The following KLB variants were observed in gnomAD, a reference collection of about 807,000 sequenced individuals.
The protein encoded by KLB is klotho beta.
A neutral mutation model predicts 88.4 loss-of-function variants in KLB; 44 were observed. The observed-to-expected ratio is 0.50, with a 90% CI of 0.39 to 0.64. The LOEUF (loss-of-function observed/expected upper bound fraction) is 0.64, where lower values mean the gene tolerates loss of function less well. KLB is among the 30% of genes least tolerant of loss of function. KLB has a pLI of 0.00. For missense variants in KLB, 1,137 were observed against 1,304.8 expected, an observed-to-expected ratio of 0.87 and a Z score of 1.98; for synonymous variants, 548 against 513.4, an observed-to-expected ratio of 1.07 and a Z score of -0.91.
chr4:39,445,937 A>G (rs926889386), intron 3 of KLB, among the ~76,000 whole-genome samples: 2 of 152,110 alleles, frequency 1.3e-5, no homozygotes, highest in African/African-American at 2.4e-5. Flanking sequence ...TCCTCTTCTC[A>G]GTGAAATCTC....
chr4:39,431,494 G>A (rs933273630), intron 1 of KLB, among the ~76,000 whole-genome samples: 68 of 151,604 alleles, frequency 4.5e-4, no homozygotes, highest in Non-Finnish European at 6.8e-4. Flanking sequence ...CAGGTGATCC[G>A]CCCGCCTCGG....
intron 2 of KLB, among the ~76,000 whole-genome samples, chr4:39,437,151 A>G (rs1743489141): frequency 6.6e-6 from 1 of 152,210 alleles, no homozygotes; most frequent in Non-Finnish European, 1.5e-5. Context: ...AATTTGCCCA[A>G]TAGCATGCTC....
rs758113274 is a variant in KLB at position 39,407,342 on chromosome 4, T to C, written c.393T>C (p.Tyr131=). The change falls in exon 1 of 5, where the codon TAT becomes TAC. Residue 131 remains tyrosine (Y), a synonymous_variant. Transcript: ENST00000257408. ...VSSTNGSSDS[Y]IFLEKDLSAL... is the part of the protein sequence containing the mutation. ...GCACGAATGGTTCCAGTGACAGTTA[T>C]ATTTTTCTGGAAAAAGACTTATCAG... 6 of 1,614,208 alleles carry C rather than the reference T, an allele frequency of 3.7e-6. No homozygotes were observed. The East Asian group carries it at 1.3e-4, about 36-fold the overall frequency.
Position 39,407,023 on chromosome 4 carries a change from G to T in KLB, c.74G>T (p.Arg25Leu). 6.2e-7 allele frequency: 1 copy of T among 1,614,090 alleles called. No individual in the cohort carries two copies. The highest frequency in any genetic ancestry group is 8.5e-7 in the Non-Finnish European group (1 of 1,179,978). ...TTCAGCACTGATGAAATAACCACAC[G>T]CTATAGGAATACAATGTCCAACGGG... ...IFFSTDEITT[R>L]YRNTMSNGGL... Residue 25 changes from arginine to leucine, a missense_variant, in exon 1 of 5, where the codon CGC becomes CTC. By Grantham distance (102) the Arg-to-Leu change is moderately radical. This residue lies in a region of KLB where 111 missense variants were observed against 118.3 expected (regional missense o/e 0.94). Coordinates refer to ENST00000257408, the MANE Select transcript of KLB (RefSeq NM_175737.4).
At chr4:39,438,314 G>A (rs1424256509) in intron 3 of KLB, among the ~76,000 whole-genome samples, 3 of 152,168 alleles carry the variant, frequency 2.0e-5, no homozygotes, top group African/African-American at 7.2e-5. Flanking sequence ...AAAATGATAG[G>A]AAATTTGTTT....
At chr4:39,409,373 A>G (rs1000748944) in intron 1 of KLB, among the ~76,000 whole-genome samples, 2 of 150,992 alleles carry the variant, frequency 1.3e-5, no homozygotes, top group Non-Finnish European at 2.9e-5. Flanking sequence ...GCTCACTGCA[A>G]TCTCCACCTC....
chr4:39,410,306 C>T (rs940556019), intron 1 of KLB, among the ~76,000 whole-genome samples: 1 of 152,190 alleles, frequency 6.6e-6, no homozygotes, highest in Non-Finnish European at 1.5e-5. Flanking sequence ...TTTTCATTTT[C>T]CTCTAATTTG....
chr4:39,446,761 C>T lies in KLB; in HGVS notation c.2035C>T (p.Gln679Ter). The T allele has an allele frequency of 6.2e-7, 1 of 1,607,178 alleles. No individual in the cohort carries two copies. The part of the protein sequence containing the change: ...AFQAYAGLCF[Q>*]ELGDLVKLWI... ...CCAGGCCTACGCTGGGCTGTGCTTC[C>T]AGGAGCTGGGGGACCTGGTGAAGCT... is the stretch of plus-strand genomic sequence containing the variant. Residue 679 changes from glutamine (Q) to a stop codon, truncating the protein, a stop_gained, in exon 4 of 5, where the codon CAG (glutamine) becomes TAG (stop). Transcript: ENST00000257408. LOFTEE classifies it high-confidence loss of function. This position sits in a 1 kb window ranked among gnomAD's most constrained non-coding sequence, Gnocchi z 6.4.
At chr4:39,436,064 T>G (rs1743465018) in intron 2 of KLB, among the ~76,000 whole-genome samples, 1 of 152,196 alleles carries the variant, frequency 6.6e-6, no homozygotes. Context: ...CCTTCTCTAT[T>G]ACTCAAGTAG....
In KLB at chr4:39,442,767, G is replaced by A. The variant is rs147165112; in HGVS notation, c.1606-3565G>A. On this transcript the variant is annotated intron_variant, in intron 3 of 4. Transcript: ENST00000257408. ...CTGTTTTATAAACTTTTGATAAATT[G>A]CGGACATCATTACACTCCACCCCAA... Among the ~76,000 whole-genome samples, 885 of 152,180 alleles carry A rather than the reference G, an allele frequency of 5.8e-3. 36 individuals are homozygous for A. The highest frequency in any genetic ancestry group is 0.055 in the Admixed American group (838 of 15,270).
intron 4 of KLB, 93 bp from the exon 5 acceptor site, chr4:39,448,205 GGCA>G: frequency 1.1e-6 from 1 of 872,198 alleles, no homozygotes; most frequent in Non-Finnish European, 1.7e-6. Flanking sequence ...CTTTATTATG[GGCA>G]TAATTTTAGC....
intron 3 of KLB, among the ~76,000 whole-genome samples, chr4:39,441,234 A>G (rs990494083): frequency 1.3e-5 from 2 of 152,196 alleles, no homozygotes; most frequent in African/African-American, 2.4e-5. Flanking sequence ...CAGAATAAAC[A>G]GTGTCTCATC....
intron 4 of KLB, 65 bp from the exon 5 acceptor site, chr4:39,448,236 A>T: frequency 7.8e-7 from 1 of 1,275,724 alleles, no homozygotes; most frequent in Non-Finnish European, 1.1e-6. Context: ...AATGAAAACT[A>T]AATTCTTCCT....
chr4:39,418,341 G>A (rs968667835), intron 1 of KLB, among the ~76,000 whole-genome samples: 2 of 152,038 alleles, frequency 1.3e-5, no homozygotes, highest in Non-Finnish European at 2.9e-5. Context: ...CCTGGTTCAA[G>A]CGATTCTCCT....
chr4:39,438,099 C>T (rs4975016), intron 3 of KLB, 104 bp downstream of exon 3: 185,347 of 1,037,900 alleles, frequency 0.18, 18,092 homozygotes, highest in Middle Eastern at 0.26. Flanking sequence ...ATATCAAATA[C>T]CACAATTGTA....
chr4:39,446,348 C>G lies in KLB; in HGVS notation c.1622C>G (p.Ser541Trp). 1 of 1,613,512 alleles carries G rather than the reference C, an allele frequency of 6.2e-7. No homozygotes were observed. Among genetic ancestry groups the G allele is most frequent in the Non-Finnish European group, 8.5e-7 (1 of 1,179,696 alleles). Residue 541 changes from serine (S) to tryptophan (W), a missense_variant, in exon 4 of 5, where the codon TCG becomes TGG. Transcript: ENST00000257408. This position sits in a 1 kb window ranked among gnomAD's most constrained non-coding sequence, Gnocchi z 6.4. Reference sequence around the variant, plus strand: ...TTTTCACAGCCCGAGTCTGTGGCTTCGTCCCCACAGTTCAGCGATCCTCAT... The same window carrying G: ...TTTTCACAGCCCGAGTCTGTGGCTTGGTCCCCACAGTTCAGCGATCCTCAT... The part of the protein sequence containing the change: ...ESVLKPESVA[S>W]SPQFSDPHLY...
chr4:39,435,477 A>G (rs1011807095), intron 2 of KLB, among the ~76,000 whole-genome samples: 9 of 145,232 alleles, frequency 6.2e-5, no homozygotes, highest in Non-Finnish European at 1.5e-5. Flanking sequence ...CCAGGCTGGA[A>G]TGCAGTGGTG....
intron 2 of KLB, among the ~76,000 whole-genome samples, chr4:39,436,864 C>T (rs1393302974): frequency 6.6e-6 from 1 of 152,028 alleles, no homozygotes; most frequent in Admixed American, 6.6e-5. Flanking sequence ...TGCCCGCCAC[C>T]ATCCCCAGCT....
chr4:39,434,188 C>G, intron 1 of KLB, 22 bp from the exon 2 acceptor site: 2 of 1,577,376 alleles, frequency 1.3e-6, no homozygotes, highest in Non-Finnish European at 1.7e-6. Flanking sequence ...CAACAAAGAT[C>G]AATAATATTT....
Sources: gnomAD v4.1 joint callset for allele counts (sites outside exome capture counted in the v4.1 genomes callset) on GRCh38, gnomAD v4.1.1 for gene constraint, gnomAD v4.1.1 regional missense constraint, Gnocchi (gnomAD v3.1) non-coding constraint, MANE v1.5 for transcripts, NCBI Gene and HGNC (gene_info 2026-07-23, HGNC 2026-07-21) for gene names.